POMGNT2: variants seen among roughly 807,000 people sequenced by gnomAD.
The protein encoded by POMGNT2 is protein O-linked-mannose beta-1,4-N-acetylglucosaminyltransferase 2.
POMGNT2 carries 32 observed loss-of-function variants against 37.8 expected under a neutral mutation model. The ratio of observed to expected loss-of-function variants is 0.85; its 90% CI spans 0.64 to 1.14. POMGNT2 has a LOEUF of 1.14. Among genes scored for constraint, POMGNT2 ranks in the 50% most tolerant of loss-of-function variants. The pLI is 0.00. For missense variants in POMGNT2, 705 were observed against 780.6 expected (o/e 0.90, Z 1.15); for synonymous variants, 340 against 336.8 (o/e 1.01, Z -0.10).
At chr3:43,096,113 C>T (rs763392365) in intron 1 of POMGNT2, among the ~76,000 whole-genome samples, 2 of 152,158 alleles carry the variant, frequency 1.3e-5, no homozygotes, top group Admixed American at 6.5e-5. Context: ...TTTAGAAAAG[C>T]GGAGGTAATC....
chr3:43,079,703 C>A lies in POMGNT2; in HGVS notation c.1729G>T (p.Val577Leu), dbSNP rs1184055654. 6.2e-7 allele frequency: 1 copy of A among 1,612,980 alleles called. No homozygotes were observed. Among genetic ancestry groups the A allele is most frequent in the East Asian group, 2.2e-5 (1 of 44,884 alleles). The change falls in exon 2 of 2, where the codon GTG (valine) becomes TTG (leucine). Residue 577 changes from valine to leucine, a missense_variant. Transcript: ENST00000344697. Reference protein sequence around the residue: ...ILLGPFADVLVCNT With the variant: ...ILLGPFADVLLCNT Reference sequence around the variant, plus strand: ...TGGCCTGCTCGCTACGTGTTGCACACCAGCACATCTGCAAAGGGTCCCAGG... The same window carrying A: ...TGGCCTGCTCGCTACGTGTTGCACAACAGCACATCTGCAAAGGGTCCCAGG...
chr3:43,090,321 A>T (rs1161353645), intron 1 of POMGNT2, among the ~76,000 whole-genome samples: 1 of 95,592 alleles, frequency 1.0e-5, no homozygotes, highest in Non-Finnish European at 2.1e-5. Context: ...TTTACTTTTC[A>T]ATGTAAAATT....
Position 43,080,580 on chromosome 3 carries a change from TA to T in POMGNT2, c.851del (p.Leu284GlnfsTer18), listed in dbSNP as rs770914898. The T allele has an allele frequency of 1.2e-6, 2 of 1,614,226 alleles. No individual in the cohort carries two copies. The highest frequency in any genetic ancestry group is 8.5e-7 in the Non-Finnish European group (1 of 1,180,026). On this transcript the variant is annotated frameshift_variant, in exon 2 of 2. Coordinates refer to ENST00000344697, the MANE Select transcript of POMGNT2 (RefSeq NM_032806.6). LOFTEE classifies it high-confidence loss of function. ...TAAAGACCAGAATGTACTCCTCGCC[TA>T]GGGGGACTCCTGTGTGGCTCACGTT... is the stretch of plus-strand genomic sequence containing the variant. ...KLNVSHTGVP[L>X]GEEYILVFSR...
intron 1 of POMGNT2, among the ~76,000 whole-genome samples, chr3:43,100,406 T>A (rs969167297): frequency 6.6e-6 from 1 of 152,234 alleles, no homozygotes; most frequent in Admixed American, 6.5e-5. Flanking sequence ...GACACCATTT[T>A]ATAACAGGCA....
rs2089992788 is a variant in POMGNT2, at chr3:43,098,121, A to G, written c.-106+7715T>C. On this transcript the variant is annotated intron_variant, in intron 1 of 1. Coordinates refer to ENST00000344697, the MANE Select transcript of POMGNT2 (RefSeq NM_032806.6). This position sits in a 1 kb window ranked among gnomAD's most constrained non-coding sequence, Gnocchi z 4.3. ...AACGGTGCAGAAGGTTTTATATTTT[A>G]CTTTCACAGCAATTTGACTTTTAAG... Among the ~76,000 whole-genome samples, 1 of 152,270 alleles carries G rather than the reference A, an allele frequency of 6.6e-6. No individual in the cohort carries two copies. Among genetic ancestry groups the G allele is most frequent in the Non-Finnish European group, 1.5e-5 (1 of 68,042 alleles).
At position 43,079,984 on chromosome 3, in the gene POMGNT2, C is replaced by T; in HGVS notation, c.1448G>A (p.Gly483Asp). The change falls in exon 2 of 2, where the codon GGC becomes GAC. Residue 483 changes from glycine to aspartate, a missense_variant. Transcript: ENST00000344697. ...CTGGCACCGTGCCTCCCGCACCTTG[C>T]CTGGATATAGGCCGACTGTCCACTT... ...KQKWTVGLYP[G>D]KVREARCQAS... The T allele has an allele frequency of 1.9e-6, 3 of 1,613,990 alleles. 1 individual carries two copies. In the South Asian group the frequency reaches 3.3e-5, roughly 18 times the overall value.
At chr3:43,097,288 C>T (rs1406251354) in intron 1 of POMGNT2, among the ~76,000 whole-genome samples, 1 of 152,198 alleles carries the variant, frequency 6.6e-6, no homozygotes, top group African/African-American at 2.4e-5. Flanking sequence ...CACCTAATGC[C>T]AGCTGATGAG....
rs2089997080 is a variant in POMGNT2 at position 43,098,832 on chromosome 3, G to A, written c.-106+7004C>T. On this transcript the variant is annotated intron_variant, in intron 1 of 1. Coordinates refer to ENST00000344697, the MANE Select transcript of POMGNT2 (RefSeq NM_032806.6). The surrounding 1 kb of genome is among the most constrained non-coding windows in gnomAD (Gnocchi z 4.3). ...GAGGATAAACCAAGGCTTGAGTGTG[G>A]GGCAGGACGTTCGGCCTTCCACCAG... Among the ~76,000 whole-genome samples the A allele has an allele frequency of 6.6e-6, 1 of 151,732 alleles. No homozygotes were observed. The highest frequency in any genetic ancestry group is 1.5e-5 in the Non-Finnish European group (1 of 67,940).
intron 1 of POMGNT2, among the ~76,000 whole-genome samples, chr3:43,090,848 G>T (rs1439992234): frequency 6.6e-6 from 1 of 152,204 alleles, no homozygotes; most frequent in Non-Finnish European, 1.5e-5. Context: ...CACCAGGGAG[G>T]AACATGAGCA....
chr3:43,090,685 GA>G (rs1399569291), intron 1 of POMGNT2: 1 of 152,158 alleles, frequency 6.6e-6, no homozygotes, highest in East Asian at 1.9e-4. Context: ...GATAAAATAA[GA>G]AAAGGGACAA....
chr3:43,084,099 T>G (rs1418129874), intron 1 of POMGNT2, among the ~76,000 whole-genome samples: 1 of 152,170 alleles, frequency 6.6e-6, no homozygotes, highest in Non-Finnish European at 1.5e-5. Context: ...CCCTTCGAAT[T>G]GTTTTTCCCT....
chr3:43,097,935 G>A (rs1055284608), intron 1 of POMGNT2, among the ~76,000 whole-genome samples: 9 of 152,142 alleles, frequency 5.9e-5, no homozygotes, highest in Admixed American at 5.2e-4. Flanking sequence ...GCCTCACCAT[G>A]GCCTGTGCCC....
rs144205354 is a variant in POMGNT2 at position 43,085,262 on chromosome 3, G to C, written c.-105-3726C>G. 2.8e-3 allele frequency among the ~76,000 whole-genome samples: 421 copies of C among 152,272 alleles called. 3 individuals carry two copies. The highest frequency in any genetic ancestry group is 9.8e-3 in the African/African-American group (408 of 41,540). Reference sequence around the variant, plus strand: ...CTAGGCTTCCCATCAAGTGGGGAGGGTGTGGGGCAGCTGGTTACCCCTAGG... The same window carrying C: ...CTAGGCTTCCCATCAAGTGGGGAGGCTGTGGGGCAGCTGGTTACCCCTAGG... On this transcript the variant is annotated intron_variant, in intron 1 of 1. Transcript: ENST00000344697.
chr3:43,090,817 C>A (rs1008374833), intron 1 of POMGNT2, among the ~76,000 whole-genome samples: 1 of 152,160 alleles, frequency 6.6e-6, no homozygotes. Context: ...GGAACTCACA[C>A]TGGGGTGGCA....
chr3:43,086,702 T>A (rs2089900247), intron 1 of POMGNT2, among the ~76,000 whole-genome samples: 1 of 152,176 alleles, frequency 6.6e-6, no homozygotes, highest in South Asian at 2.1e-4. Context: ...AGATAAAGCA[T>A]CACGCTGACC....
intron 1 of POMGNT2, among the ~76,000 whole-genome samples, chr3:43,100,852 G>T (rs1004952673): frequency 6.6e-6 from 1 of 152,080 alleles, no homozygotes; most frequent in African/African-American, 2.4e-5. Context: ...TCATGATTAG[G>T]TTCAGGTTAT....
At chr3:43,081,945 C>T (rs566030525) in intron 1 of POMGNT2, among the ~76,000 whole-genome samples, 4 of 152,360 alleles carry the variant, frequency 2.6e-5, no homozygotes, top group South Asian at 2.1e-4. Flanking sequence ...AGAACTGCTC[C>T]GGCCATGCCC....
chr3:43,089,686 T>C (rs967037071), intron 1 of POMGNT2, among the ~76,000 whole-genome samples: 1 of 152,188 alleles, frequency 6.6e-6, no homozygotes, highest in African/African-American at 2.4e-5. Context: ...ACACTCTGCA[T>C]GAAGTGGGCA....
At chr3:43,100,161 C>CA (rs1437919987) in intron 1 of POMGNT2, among the ~76,000 whole-genome samples, 7 of 150,674 alleles carry the variant, frequency 4.6e-5, no homozygotes, top group African/African-American at 1.7e-4. Context: ...TTTGTTTAAT[C>CA]ATTCTCTCTA....
Sources: allele counts gnomAD v4.1 joint callset (sites outside exome capture counted in the v4.1 genomes callset), GRCh38; gene constraint gnomAD v4.1.1; non-coding constraint Gnocchi (gnomAD v3.1); transcripts MANE v1.5; gene names NCBI Gene and HGNC (gene_info 2026-07-23, HGNC 2026-07-21).